Variants in TMEM163 observed in about 807,000 individuals in gnomAD.
TMEM163 encodes transmembrane protein 163.
In TMEM163, 17 loss-of-function variants were observed where a neutral mutation model predicts 29.3. That is an observed-to-expected ratio of 0.58 (90% confidence interval 0.40 to 0.87). The LOEUF (loss-of-function observed/expected upper bound fraction) is 0.87. Ranked by LOEUF, TMEM163 falls within the 40% of genes least tolerant of loss-of-function variation. TMEM163 has a pLI of 0.00. For synonymous variants in TMEM163, 157 were observed against 160.6 expected, an observed-to-expected ratio of 0.98 and a Z score of 0.17; for missense variants, 303 against 381.5, an observed-to-expected ratio of 0.79 and a Z score of 1.71.
At chr2:134,495,953 T>G (rs1679546462) in intron 5 of TMEM163, among the ~76,000 whole-genome samples, 1 of 152,144 alleles carries the variant, frequency 6.6e-6, no homozygotes, top group East Asian at 1.9e-4. Flanking sequence ...CCCTGGAAGC[T>G]CCCATCCTAT....
chr2:134,507,165 C>T (rs1434581657), intron 4 of TMEM163, among the ~76,000 whole-genome samples: 2 of 151,968 alleles, frequency 1.3e-5, no homozygotes, highest in African/African-American at 2.4e-5. Context: ...GGACAAACCC[C>T]GTCTCTACTA....
At chr2:134,609,283 G>GGAA (rs1238161252) in intron 2 of TMEM163, among the ~76,000 whole-genome samples, 14 of 24,682 alleles carry the variant, frequency 5.7e-4, no homozygotes, top group Non-Finnish European at 6.2e-4. Flanking sequence ...CTGGTGAAAA[G>GGAA]GACAGACCCC....
Position 134,508,255 on chromosome 2 carries a change from C to T in TMEM163, c.459-5258G>A, listed in dbSNP as rs1281752869. Among the ~76,000 whole-genome samples the T allele has an allele frequency of 6.6e-5, 10 of 152,276 alleles. 1 individual carries two copies. The highest frequency in any genetic ancestry group is 1.9e-4 in the African/African-American group (8 of 41,564). On this transcript the variant is annotated intron_variant, in intron 4 of 7. Coordinates refer to ENST00000281924, the MANE Select transcript of TMEM163 (RefSeq NM_030923.5). The stretch of plus-strand genomic sequence containing the variant: ...GCTTCTCCAATCACCCTCTAATTTA[C>T]GATAGATCTAAACATAAAGTAGCCC...
intron 2 of TMEM163, among the ~76,000 whole-genome samples, chr2:134,597,561 T>C (rs1301071890): frequency 6.6e-6 from 1 of 152,198 alleles, no homozygotes; most frequent in Non-Finnish European, 1.5e-5. Context: ...TCAGGGATAT[T>C]GGTCTAAAAT....
chr2:134,660,697 C>T (rs1395162295), intron 2 of TMEM163, among the ~76,000 whole-genome samples: 1 of 152,160 alleles, frequency 6.6e-6, no homozygotes, highest in Non-Finnish European at 1.5e-5. Context: ...CAGTCCATGG[C>T]AGAGAGAAGC....
intron 4 of TMEM163, among the ~76,000 whole-genome samples, chr2:134,534,623 G>A (rs562333883): frequency 1.3e-4 from 20 of 152,128 alleles, no homozygotes; most frequent in African/African-American, 3.9e-4. Flanking sequence ...GTGGGGTGGC[G>A]CACTCCTGTA....
intron 4 of TMEM163, among the ~76,000 whole-genome samples, chr2:134,505,010 C>A (rs1679788710): frequency 1.3e-5 from 2 of 152,136 alleles, no homozygotes; most frequent in African/African-American, 4.8e-5. Flanking sequence ...CCTGGAGTAA[C>A]CATTCCTCCC....
Position 134,535,717 on chromosome 2 carries a change from G to GTT in TMEM163, c.458+14851_458+14852dup, listed in dbSNP as rs59227102. On this transcript the variant is annotated intron_variant, in intron 4 of 7. Coordinates refer to ENST00000281924, the MANE Select transcript of TMEM163 (RefSeq NM_030923.5). The stretch of plus-strand genomic sequence containing the variant: ...TTTTATACATTTACTTATTTGTATG[G>GTT]TTTTTTTTTTTGTTTGTTTGTTTTT... 1.2e-3 allele frequency among the ~76,000 whole-genome samples: 176 copies of GTT among 142,470 alleles called. 1 individual carries two copies. Among genetic ancestry groups the GTT allele is most frequent in the African/African-American group, 4.3e-3 (162 of 37,456 alleles). The allele number at this position is 142,470 out of a possible 152,430, so 93.5% of individuals were successfully genotyped here.
At chr2:134,638,385 GTCAA>G (rs1558973523) in intron 2 of TMEM163, among the ~76,000 whole-genome samples, 2 of 152,162 alleles carry the variant, frequency 1.3e-5, no homozygotes, top group Non-Finnish European at 2.9e-5. Flanking sequence ...AGTGGAAGAC[GTCAA>G]TCAAAGGGCA....
At chr2:134,629,309 T>C (rs1045122171) in intron 2 of TMEM163, among the ~76,000 whole-genome samples, 2 of 152,172 alleles carry the variant, frequency 1.3e-5, no homozygotes, top group Non-Finnish European at 2.9e-5. Flanking sequence ...TCTGTAGGTG[T>C]ATTTGTAATA....
chr2:134,609,976 AAGC>A (rs1010624449), intron 2 of TMEM163, among the ~76,000 whole-genome samples: 26 of 152,192 alleles, frequency 1.7e-4, no homozygotes, highest in African/African-American at 6.3e-4. Context: ...GGGGAGGAGA[AAGC>A]AGAGAGAGAA....
chr2:134,468,982 A>C (rs1257571468), intron 5 of TMEM163: 1 of 152,170 alleles, frequency 6.6e-6, no homozygotes, highest in Admixed American at 6.5e-5. Flanking sequence ...CTGGCAGTAA[A>C]AGGTACGAGT....
At chr2:134,572,236 C>T (rs1439730731) in intron 2 of TMEM163, among the ~76,000 whole-genome samples, 2 of 152,182 alleles carry the variant, frequency 1.3e-5, no homozygotes, top group Non-Finnish European at 2.9e-5. Flanking sequence ...TGTCGTCAGC[C>T]ACACCCCCAA....
intron 2 of TMEM163, among the ~76,000 whole-genome samples, chr2:134,641,560 T>C (rs193170047): frequency 5.5e-4 from 83 of 152,184 alleles, no homozygotes; most frequent in African/African-American, 1.5e-3. Flanking sequence ...ATATGTGCAA[T>C]ACATATATCT....
At chr2:134,458,584 C>T (rs1686454920) in intron 6 of TMEM163, 1 of 180,566 alleles carries the variant, frequency 5.5e-6, no homozygotes, top group Non-Finnish European at 1.2e-5. Context: ...TCTGCTGGGC[C>T]AGATTCCGAG....
At chr2:134,619,174 T>C (rs1682674082) in intron 2 of TMEM163, among the ~76,000 whole-genome samples, 1 of 152,026 alleles carries the variant, frequency 6.6e-6, no homozygotes. Flanking sequence ...ATTAGATCTA[T>C]CAAACATTTA....
intron 2 of TMEM163, among the ~76,000 whole-genome samples, chr2:134,565,826 CA>C (rs1681289749): frequency 1.3e-5 from 2 of 152,174 alleles, no homozygotes; most frequent in Non-Finnish European, 2.9e-5. Flanking sequence ...TCAGCAAAGG[CA>C]AACACAAAAG....
chr2:134,702,144 G>A (rs979928861), intron 2 of TMEM163, among the ~76,000 whole-genome samples: 2 of 151,998 alleles, frequency 1.3e-5, no homozygotes, highest in African/African-American at 4.8e-5. Flanking sequence ...GAACACTGCC[G>A]ACATGCTCGG....
At chr2:134,622,104 A>G (rs572314742) in intron 2 of TMEM163, among the ~76,000 whole-genome samples, 1 of 152,346 alleles carries the variant, frequency 6.6e-6, no homozygotes, top group African/African-American at 2.4e-5. Flanking sequence ...TGAAATTTCC[A>G]TAAAAGGCAA....
Sources: gnomAD v4.1 joint callset for allele counts (sites outside exome capture counted in the v4.1 genomes callset) on GRCh38, gnomAD v4.1.1 for gene constraint, MANE v1.5 for transcripts, NCBI Gene and HGNC (gene_info 2026-07-23, HGNC 2026-07-21) for gene names.